Variants in EIF2AK1 observed in about 807,000 individuals in gnomAD.
EIF2AK1 encodes eukaryotic translation initiation factor 2 alpha kinase 1.
In EIF2AK1, 54 loss-of-function variants were observed where a neutral mutation model predicts 77.9. The observed-to-expected ratio is 0.69, with a 90% CI of 0.56 to 0.87. The LOEUF (loss-of-function observed/expected upper bound fraction) is 0.87. Among genes scored for constraint, EIF2AK1 ranks in the 40% least tolerant of loss-of-function variants. The pLI, the probability that EIF2AK1 is intolerant of heterozygous loss-of-function variation, is 0.00. For synonymous variants in EIF2AK1, 314 were observed against 290.5 expected (o/e 1.08, Z -0.82); for missense variants, 810 against 768.6 (o/e 1.05, Z -0.64).
Position 6,031,546 on chromosome 7 carries a change from C to T in EIF2AK1, c.1333-2514G>A, listed in dbSNP as rs184458442. 1.6e-3 allele frequency: 2,545 copies of T among 1,550,804 alleles called. 42 individuals carry two copies. The highest frequency in any genetic ancestry group is 3.3e-4 in the Middle Eastern group (2 of 5,992). ...GAAATCACCCTGTCAACCAGCCCAT[C>T]ACCATTCTGCCCAACTCCGCCAGCA... On this transcript the variant is annotated intron_variant, in intron 11 of 14. Transcript: ENST00000199389.
At position 6,036,454 on chromosome 7, in the gene EIF2AK1, T is replaced by A. The variant is rs1036201274; in HGVS notation, c.1332+970A>T. The A allele has an allele frequency of 8.3e-7, 1 of 1,198,720 alleles. No homozygotes were observed. The allele number at this position is 1,198,720 out of a possible 1,614,324, so 74.3% of individuals were successfully genotyped here. ...TCAAACTGCATTTTCTGGCTAGACA[T>A]GTCCCAGAAAATGCTTCACCTATCA... On this transcript the variant is annotated intron_variant, in intron 11 of 14. Transcript: ENST00000199389. This position sits in a 1 kb window ranked among gnomAD's most constrained non-coding sequence, Gnocchi z 4.6.
chr7:6,037,600 TC>T, intron 10 of EIF2AK1, 76 bp from the exon 11 acceptor site: 5 of 848,642 alleles, frequency 5.9e-6, no homozygotes, highest in Non-Finnish European at 9.8e-6. Context: ...TTAATGTCAT[TC>T]TAAATACATT....
intron 1 of EIF2AK1, among the ~76,000 whole-genome samples, chr7:6,055,585 T>C (rs1457026831): frequency 6.6e-6 from 1 of 151,440 alleles, no homozygotes; most frequent in Non-Finnish European, 1.5e-5. Context: ...CTCTTTGCAC[T>C]GTATGAGACC....
chr7:6,048,828 A>G lies in EIF2AK1; in HGVS notation c.428T>C (p.Ile143Thr). 7.5e-6 allele frequency: 12 copies of G among 1,589,562 alleles called. No homozygotes were observed. Among genetic ancestry groups the G allele is most frequent in the Non-Finnish European group, 9.4e-6 (11 of 1,172,812 alleles). The change falls in exon 4 of 15, where the codon ATT becomes ACT. Residue 143 changes from isoleucine to threonine, a missense_variant. Transcript: ENST00000199389. ...ATACCTGATTTTCTGGATACGAGAA[A>G]TATCCTCACAAGGATCCTACAATTA... ...ERVRQDPCED[I>T]SRIQKIRSRE...
At chr7:6,057,507 C>T (rs1326966182) in intron 1 of EIF2AK1, 2 of 151,134 alleles carry the variant, frequency 1.3e-5, no homozygotes, top group Admixed American at 6.6e-5. Flanking sequence ...ATCGTGCTCA[C>T]TTCAGCAGCA....
Position 6,026,919 on chromosome 7 carries a change from G to A in EIF2AK1, c.1573C>T (p.Gln525Ter), listed in dbSNP as rs1055053406. 1.2e-6 allele frequency: 2 copies of A among 1,613,948 alleles called. No homozygotes were observed. The highest frequency in any genetic ancestry group is 1.3e-5 in the African/African-American group (1 of 74,880). ...SLGVVLLELF[Q>*]PFGTEMERAE... is the part of the protein sequence containing the mutation. Reference sequence around the variant, plus strand: ...CGCTCCATTTCTGTTCCAAACGGCTGAAAGAGCTCTAGCAGGACCACACCC... The same window carrying A: ...CGCTCCATTTCTGTTCCAAACGGCTAAAAGAGCTCTAGCAGGACCACACCC... Residue 525 changes from glutamine to a stop codon, truncating the protein, a stop_gained, in exon 14 of 15, where the codon CAG becomes TAG. Coordinates refer to ENST00000199389, the MANE Select transcript of EIF2AK1 (RefSeq NM_014413.4). LOFTEE classifies it high-confidence loss of function.
rs929707737 is a variant in EIF2AK1 at position 6,036,069 on chromosome 7, C to G, written c.1332+1355G>C. 3 of 1,550,840 alleles carry G rather than the reference C, an allele frequency of 1.9e-6. No homozygotes were observed. The highest frequency in any genetic ancestry group is 2.6e-6 in the Non-Finnish European group (3 of 1,147,120). On this transcript the variant is annotated intron_variant, in intron 11 of 14. Transcript: ENST00000199389. The surrounding 1 kb of genome is among the most constrained non-coding windows in gnomAD (Gnocchi z 4.6). Reference sequence around the variant, plus strand: ...CATTTTAACAAGAAACGGGGAATCTCCAATTTATATGTACCTTCAGCGCAG... The same window carrying G: ...CATTTTAACAAGAAACGGGGAATCTGCAATTTATATGTACCTTCAGCGCAG...
chr7:6,025,309 T>TG (rs777572506), intron 14 of EIF2AK1, among the ~76,000 whole-genome samples: 28 of 152,292 alleles, frequency 1.8e-4, no homozygotes, highest in East Asian at 5.8e-4. Flanking sequence ...TGGCTGGGCA[T>TG]GGTAGCTCAC....
intron 1 of EIF2AK1, among the ~76,000 whole-genome samples, chr7:6,058,587 G>A (rs1788860739): frequency 6.6e-6 from 1 of 152,174 alleles, no homozygotes; most frequent in Non-Finnish European, 1.5e-5. Context: ...AAACTATTCA[G>A]CGTATAGTTT....
At chr7:6,040,841 GCA>G (rs1788275490) in intron 9 of EIF2AK1, 49 bp downstream of exon 9, 5 of 1,459,490 alleles carry the variant, frequency 3.4e-6, no homozygotes, top group Admixed American at 1.7e-5. Flanking sequence ...CCACACACCT[GCA>G]CAGTCACCAA....
In EIF2AK1 at chr7:6,024,568, T is replaced by C. The variant is rs946371132; in HGVS notation, c.*105A>G. On this transcript the variant is annotated 3_prime_UTR_variant, in exon 15 of 15. Transcript: ENST00000199389. ...GGGGCACTCTGACATCTTTAACAAGTCTTGTAAAGGCTTACTAAATACAAC... is the reference window on the plus strand; with the variant it reads ...GGGGCACTCTGACATCTTTAACAAGCCTTGTAAAGGCTTACTAAATACAAC... 6.4e-7 allele frequency: 1 copy of C among 1,551,146 alleles called. No homozygotes were observed. Among genetic ancestry groups the C allele is most frequent in the African/African-American group, 1.4e-5 (1 of 72,146 alleles).
At position 6,022,402 on chromosome 7, in the gene EIF2AK1, A is replaced by G. The variant is rs927468700; in HGVS notation, c.*2271T>C. 1 of 152,058 alleles carries G rather than the reference A, an allele frequency of 6.6e-6. No individual in the cohort carries two copies. The highest frequency in any genetic ancestry group is 1.5e-5 in the Non-Finnish European group (1 of 68,008). 9.4% of individuals were successfully genotyped at this position (152,058 alleles called of 1,614,324 possible). A position where few individuals can be genotyped will look rare whatever the true frequency, so the allele number is the denominator to read the frequency against. The stretch of plus-strand genomic sequence containing the variant: ...TGAAGGAGTCAGAAGTTTTATGTGG[A>G]TTTTCGACTGCACAGCAGTCGGGGG... On this transcript the variant is annotated 3_prime_UTR_variant, in exon 15 of 15. Coordinates refer to ENST00000199389, the MANE Select transcript of EIF2AK1 (RefSeq NM_014413.4).
rs1164607854 is a variant in EIF2AK1 at position 6,024,678 on chromosome 7, C to T, written c.1888G>A (p.Gly630Arg). 1 of 1,613,740 alleles carries T rather than the reference C, an allele frequency of 6.2e-7. No homozygotes were observed. The highest frequency in any genetic ancestry group is 2.2e-5 in the East Asian group (1 of 44,840). ...CTTAAAAGTTAAGTCCACTTTCATCCCACGCCCCCATCCTTTCCGTCATCC... is the reference window on the plus strand; with the variant it reads ...CTTAAAAGTTAAGTCCACTTTCATCTCACGCCCCCATCCTTTCCGTCATCC... ...VRDDGKDGGV[G>R] is the part of the protein sequence containing the mutation. The change falls in exon 15 of 15, where the codon GGA becomes AGA. Residue 630 changes from glycine to arginine, a missense_variant. By Grantham distance (125) the Gly-to-Arg change is moderately radical. Transcript: ENST00000199389.
Position 6,033,602 on chromosome 7 carries a change from G to GT in EIF2AK1, c.1332+3821dup, listed in dbSNP as rs748889373. Among the ~76,000 whole-genome samples the GT allele has an allele frequency of 1.5e-4, 23 of 151,548 alleles. No homozygotes were observed. The highest frequency in any genetic ancestry group is 3.1e-4 in the Non-Finnish European group (21 of 67,838). ...TGGATTTTCTTTATTTTTGGTTTTT[G>GT]TTTTTTGAGACAGAGTCTCGCTCTG... On this transcript the variant is annotated intron_variant, in intron 11 of 14. Coordinates refer to ENST00000199389, the MANE Select transcript of EIF2AK1 (RefSeq NM_014413.4). The surrounding 1 kb of genome is among the most constrained non-coding windows in gnomAD (Gnocchi z 4.4).
chr7:6,023,060 C>A lies in EIF2AK1; in HGVS notation c.*1613G>T, dbSNP rs1787550235. On this transcript the variant is annotated 3_prime_UTR_variant, in exon 15 of 15. Transcript: ENST00000199389. ...GGTGGTCTGAGGTCCCTTCTAGCTT[C>A]AGAAGTGTCATAATCAAATACCAGG... The A allele has an allele frequency of 1.7e-5, 8 of 476,314 alleles. No individual in the cohort carries two copies. The highest frequency in any genetic ancestry group is 3.3e-5 in the South Asian group (1 of 30,468). The allele number at this position is 476,314 out of a possible 1,614,324, so 29.5% of individuals were successfully genotyped here.
rs137976025 is a variant in EIF2AK1 at position 6,027,301 on chromosome 7, G to T, written c.1531-340C>A. On this transcript the variant is annotated intron_variant, in intron 13 of 14. Coordinates refer to ENST00000199389, the MANE Select transcript of EIF2AK1 (RefSeq NM_014413.4). The surrounding 1 kb of genome is among the most constrained non-coding windows in gnomAD (Gnocchi z 4.5). ...GCTCACGCCTGCTAGTGTCAGCTGCGGGGGAGCCACAGAAGGTCGCGGGTT... is the reference window on the plus strand; with the variant it reads ...GCTCACGCCTGCTAGTGTCAGCTGCTGGGGAGCCACAGAAGGTCGCGGGTT... 1.3e-4 allele frequency among the ~76,000 whole-genome samples: 20 copies of T among 152,250 alleles called. No homozygotes were observed. Among genetic ancestry groups the T allele is most frequent in the African/African-American group, 4.6e-4 (19 of 41,546 alleles).
chr7:6,040,837 A>C, intron 9 of EIF2AK1, 55 bp downstream of exon 9: 5 of 1,427,542 alleles, frequency 3.5e-6, no homozygotes, highest in Non-Finnish European at 4.9e-6. Context: ...AAGGCCACAC[A>C]CCTGCACAGT....
rs1257672333 is a variant in EIF2AK1 at position 6,058,955 on chromosome 7, C to T, written c.118+11G>A. On this transcript the variant is annotated intron_variant, in intron 1 of 14. Transcript: ENST00000199389. ...AGAGCAGAGCGGCGACGCCGCGATCCGATCCCTCACCGTCATATTCGGGGT... is the reference window on the plus strand; with the variant it reads ...AGAGCAGAGCGGCGACGCCGCGATCTGATCCCTCACCGTCATATTCGGGGT... 34 of 1,518,844 alleles carry T rather than the reference C, an allele frequency of 2.2e-5. No homozygotes were observed. Among genetic ancestry groups the T allele is most frequent in the Non-Finnish European group, 2.9e-5 (33 of 1,134,580 alleles). The allele number at this position is 1,518,844 out of a possible 1,614,324, so 94.1% of individuals were successfully genotyped here.
intron 9 of EIF2AK1, among the ~76,000 whole-genome samples, chr7:6,039,703 G>C (rs1282981146): frequency 1.3e-5 from 2 of 151,298 alleles, no homozygotes; most frequent in Admixed American, 6.6e-5. Context: ...GGGAGGCCGA[G>C]GCAGGTGGAT....
Sources: allele counts gnomAD v4.1 joint callset (sites outside exome capture counted in the v4.1 genomes callset), GRCh38; gene constraint gnomAD v4.1.1; non-coding constraint Gnocchi (gnomAD v3.1); transcripts MANE v1.5; gene names NCBI Gene and HGNC (gene_info 2026-07-23, HGNC 2026-07-21).